Variants in ITGAV observed in about 807,000 individuals in gnomAD.
ITGAV encodes integrin subunit alpha V.
Under a neutral mutation model 143.8 loss-of-function variants are expected in ITGAV, and 76 were observed. That is an observed-to-expected ratio of 0.53 (90% confidence interval 0.44 to 0.64). The LOEUF is 0.64. ITGAV is among the 30% of genes least tolerant of loss of function. The pLI is 0.00. For missense variants in ITGAV, 1,193 were observed against 1,274.7 expected (o/e 0.94, Z 0.98); for synonymous variants, 453 against 446.7 (o/e 1.01, Z -0.18).
rs1686570534 is a variant in ITGAV at position 186,590,176 on chromosome 2, T to G, written c.-163T>G. The G allele has an allele frequency of 1.9e-6, 1 of 528,146 alleles. No homozygotes were observed. Among genetic ancestry groups the G allele is most frequent in the Admixed American group, 4.5e-5 (1 of 22,394 alleles). 32.7% of individuals were successfully genotyped at this position (528,146 alleles called of 1,614,324 possible). A position where few individuals can be genotyped will look rare whatever the true frequency, so the allele number is the denominator to read the frequency against. ...TCGTCCCTGGCGGTCGCTCCGAAGCTCAGCCCTCTTGCCTGCCCCGGAGCT... is the reference window on the plus strand; with the variant it reads ...TCGTCCCTGGCGGTCGCTCCGAAGCGCAGCCCTCTTGCCTGCCCCGGAGCT... On this transcript the variant is annotated 5_prime_UTR_variant, in exon 1 of 30. Coordinates refer to ENST00000261023, the MANE Select transcript of ITGAV (RefSeq NM_002210.5).
intron 2 of ITGAV, among the ~76,000 whole-genome samples, chr2:186,615,447 C>T (rs878884309): frequency 1.3e-5 from 2 of 152,008 alleles, no homozygotes; most frequent in African/African-American, 2.4e-5. Context: ...TCAGTGTCTC[C>T]GTATCCTTGT....
intron 6 of ITGAV, 63 bp downstream of exon 6, chr2:186,633,437 G>A (rs2105700940): frequency 2.3e-6 from 2 of 866,084 alleles, no homozygotes; most frequent in South Asian, 3.0e-5. Context: ...CTGGCTAATT[G>A]TATGCCTATG....
chr2:186,593,755 G>A (rs1453737703), intron 1 of ITGAV, among the ~76,000 whole-genome samples: 3 of 147,918 alleles, frequency 2.0e-5, no homozygotes, highest in East Asian at 2.0e-4. Context: ...AGGCAGAACC[G>A]TTTGCAGTCT....
chr2:186,615,024 T>A (rs1687314187), intron 2 of ITGAV, among the ~76,000 whole-genome samples: 2 of 152,092 alleles, frequency 1.3e-5, no homozygotes, highest in African/African-American at 4.8e-5. Flanking sequence ...CATTTGTACC[T>A]CCAGCCCTAA....
At chr2:186,653,751 A>T (rs1054199820) in intron 15 of ITGAV, among the ~76,000 whole-genome samples, 5 of 152,242 alleles carry the variant, frequency 3.3e-5, no homozygotes, top group Admixed American at 1.3e-4. Flanking sequence ...CTTCAAATGC[A>T]CTAACTAGAG....
At chr2:186,592,484 T>C (rs767230686) in intron 1 of ITGAV, among the ~76,000 whole-genome samples, 3 of 151,610 alleles carry the variant, frequency 2.0e-5, no homozygotes, top group East Asian at 1.9e-4. Context: ...AAAATAAAGT[T>C]GATGGCAGTG....
intron 24 of ITGAV, among the ~76,000 whole-genome samples, chr2:186,668,217 T>TATATATATATA (rs71017335): frequency 2.3e-3 from 19 of 8,178 alleles, no homozygotes; most frequent in South Asian, 0.014. Context: ...TATATATATA[T>TATATATATATA]TTTTTTTTTT....
At chr2:186,630,908 A>G in intron 5 of ITGAV, 50 bp downstream of exon 5, 1 of 988,914 alleles carries the variant, frequency 1.0e-6, no homozygotes, top group Admixed American at 1.9e-5. Context: ...CTTATTGACT[A>G]GACTGTGGTT....
intron 3 of ITGAV, among the ~76,000 whole-genome samples, chr2:186,622,854 C>T (rs1040468886): frequency 3.9e-5 from 6 of 152,022 alleles, no homozygotes; most frequent in Non-Finnish European, 8.8e-5. Flanking sequence ...CCTCCGCCTC[C>T]CAGGGTCAAG....
At position 186,677,309 on chromosome 2, in the gene ITGAV, A is replaced by G; in HGVS notation, c.*17A>G. On this transcript the variant is annotated 3_prime_UTR_variant, in exon 30 of 30. Coordinates refer to ENST00000261023, the MANE Select transcript of ITGAV (RefSeq NM_002210.5). Reference sequence around the variant, plus strand: ...GAAACTTAACTGCAGTTTTTAAGTTATGCTACATCTTGACCCACTAGAATT... The same window carrying G: ...GAAACTTAACTGCAGTTTTTAAGTTGTGCTACATCTTGACCCACTAGAATT... The G allele has an allele frequency of 6.4e-7, 1 of 1,571,148 alleles. No individual in the cohort carries two copies. Among genetic ancestry groups the G allele is most frequent in the Non-Finnish European group, 8.8e-7 (1 of 1,142,564 alleles).
intron 20 of ITGAV, among the ~76,000 whole-genome samples, chr2:186,664,922 G>A (rs1298599072): frequency 6.6e-6 from 1 of 152,138 alleles, no homozygotes; most frequent in Non-Finnish European, 1.5e-5. Context: ...AGGCTGTATG[G>A]TTTTGTATGG....
chr2:186,636,993 A>G (rs1367575947), intron 7 of ITGAV, 72 bp from the exon 8 acceptor site: 3 of 1,228,910 alleles, frequency 2.4e-6, no homozygotes, highest in Non-Finnish European at 3.6e-6. Flanking sequence ...TTTTCAAGGA[A>G]TGCTTACTCA....
At chr2:186,629,144 G>A (rs1050539582) in intron 4 of ITGAV, among the ~76,000 whole-genome samples, 5 of 152,012 alleles carry the variant, frequency 3.3e-5, no homozygotes, top group Admixed American at 1.3e-4. Flanking sequence ...ATAATTACCA[G>A]ACTTAACAAA....
chr2:186,593,346 C>T (rs1686665399), intron 1 of ITGAV, among the ~76,000 whole-genome samples: 1 of 152,034 alleles, frequency 6.6e-6, no homozygotes. Context: ...GGACAAAGTA[C>T]TAAGCAAAAT....
intron 2 of ITGAV, among the ~76,000 whole-genome samples, chr2:186,616,057 A>T (rs866619261): frequency 6.6e-6 from 1 of 151,872 alleles, no homozygotes; most frequent in Non-Finnish European, 1.5e-5. Flanking sequence ...TGAAAAGACT[A>T]TTTCTTTGCC....
At chr2:186,668,190 A>ATGTATATATATATG (rs34521209) in intron 24 of ITGAV, among the ~76,000 whole-genome samples, 1 of 18,184 alleles carries the variant, frequency 5.5e-5, no homozygotes, top group African/African-American at 2.1e-4. Flanking sequence ...ACATACATAT[A>ATGTATATATATATG]TATATATATA....
At chr2:186,666,607 C>T (rs936789515) in intron 21 of ITGAV, 97 bp from the exon 22 acceptor site, 5 of 582,618 alleles carry the variant, frequency 8.6e-6, no homozygotes, top group African/African-American at 7.6e-5. Flanking sequence ...CTCAGAAAAA[C>T]CCCATTTTAG....
chr2:186,665,096 ATT>A (rs35994921), intron 20 of ITGAV, 28 bp from the exon 21 acceptor site: 170,442 of 983,404 alleles, frequency 0.17, 279 homozygotes, highest in East Asian at 0.24. Context: ...TTTCATATCC[ATT>A]TTTTTTTTTT....
At chr2:186,602,229 C>A in intron 2 of ITGAV, 78 bp downstream of exon 2, 3 of 1,180,084 alleles carry the variant, frequency 2.5e-6, no homozygotes, top group Non-Finnish European at 3.6e-6. Context: ...TTAAATGTAG[C>A]CATTTAATAC....
Sources: allele counts gnomAD v4.1 joint callset (sites outside exome capture counted in the v4.1 genomes callset), GRCh38; gene constraint gnomAD v4.1.1; transcripts MANE v1.5; gene names NCBI Gene and HGNC (gene_info 2026-07-23, HGNC 2026-07-21).